The following CHD6 variants were observed in gnomAD, a reference collection of about 807,000 sequenced individuals.
The protein encoded by CHD6 is ATP-dependent chromatin remodeler CHD6.
In CHD6, 50 loss-of-function variants were observed where a neutral mutation model predicts 276.9. The ratio of observed to expected loss-of-function variants is 0.18; its 90% CI spans 0.14 to 0.23. CHD6 has a LOEUF of 0.23. Ranked by LOEUF, CHD6 falls within the 10% of genes least tolerant of loss-of-function variation. The pLI is 1.00. For missense variants in CHD6, 2,564 were observed against 3,365.8 expected, an observed-to-expected ratio of 0.76 and a Z score of 5.89; for synonymous variants, 1,173 against 1,229.3, an observed-to-expected ratio of 0.95 and a Z score of 0.96.
intron 1 of CHD6, among the ~76,000 whole-genome samples, chr20:41,555,247 C>T (rs1432621929): frequency 3.7e-5 from 5 of 135,130 alleles, no homozygotes; most frequent in South Asian, 2.5e-4. Flanking sequence ...GACCCCCCCA[C>T]CTCCCTCCTG....
chr20:41,547,786 C>T (rs1301533053), intron 2 of CHD6: 4 of 522,908 alleles, frequency 7.6e-6, no homozygotes, highest in African/African-American at 1.9e-5. Context: ...CAATCTTTAG[C>T]CAGAGAACTC....
chr20:41,406,690 G>A (rs1476645549), intron 36 of CHD6, among the ~76,000 whole-genome samples: 7 of 152,208 alleles, frequency 4.6e-5, no homozygotes, highest in Non-Finnish European at 8.8e-5. Flanking sequence ...GATGGGAAGC[G>A]ATTTCTTTCA....
intron 1 of CHD6, among the ~76,000 whole-genome samples, chr20:41,572,789 CCT>C (rs1373054005): frequency 1.3e-5 from 2 of 152,168 alleles, no homozygotes; most frequent in East Asian, 3.8e-4. Context: ...AAATCTGAAC[CCT>C]AACCCTGGGA....
At chr20:41,566,602 T>C (rs2045358091) in intron 1 of CHD6, among the ~76,000 whole-genome samples, 1 of 152,162 alleles carries the variant, frequency 6.6e-6, no homozygotes, top group African/African-American at 2.4e-5. Flanking sequence ...GTAGAGGATT[T>C]CCATTTCTTG....
intron 1 of CHD6, among the ~76,000 whole-genome samples, chr20:41,562,723 T>G (rs1056359961): frequency 6.6e-6 from 1 of 152,180 alleles, no homozygotes; most frequent in South Asian, 2.1e-4. Flanking sequence ...TCTGTAAGAT[T>G]AAAAGAGGGC....
At chr20:41,530,078 C>T (rs375193919) in intron 3 of CHD6, among the ~76,000 whole-genome samples, 1 of 152,164 alleles carries the variant, frequency 6.6e-6, no homozygotes, top group East Asian at 1.9e-4. Flanking sequence ...CCTCTGCTTC[C>T]GAGTGCCTGC....
intron 1 of CHD6, among the ~76,000 whole-genome samples, chr20:41,554,337 A>G (rs1180194668): frequency 6.6e-6 from 1 of 152,212 alleles, no homozygotes; most frequent in Non-Finnish European, 1.5e-5. Flanking sequence ...GGAATGTGGG[A>G]AAACAGGTCC....
intron 34 of CHD6, chr20:41,414,801 C>T: frequency 8.9e-7 from 1 of 1,124,524 alleles, no homozygotes; most frequent in African/African-American, 1.6e-5. Context: ...GTAGCCCTGA[C>T]TCCTGTTCTT....
At position 41,512,850 on chromosome 20, in the gene CHD6, G is replaced by T; in HGVS notation, c.848C>A (p.Ala283Glu). Residue 283 changes from alanine (A) to glutamate (E), a missense_variant, in exon 5 of 37, where the codon GCG becomes GAG. Ala to Glu is a moderately radical substitution (Grantham distance 107, BLOSUM62 -1). This residue lies in a region of CHD6 where 457 missense variants were observed against 889.0 expected (regional missense o/e 0.51). Transcript: ENST00000373233. ...ALSASTLAWQAEEPPEDDANI... is the reference protein window; with the variant it reads ...ALSASTLAWQEEEPPEDDANI... ...AACCTCATGCAAAGGCCATACCTCC[G>T]CCTGCCAGGCCAGTGTAGAGGCTGA... The T allele has an allele frequency of 6.2e-7, 1 of 1,613,930 alleles. No individual in the cohort carries two copies. Among genetic ancestry groups the T allele is most frequent in the Non-Finnish European group, 8.5e-7 (1 of 1,179,882 alleles).
intron 31 of CHD6, 57 bp downstream of exon 31, chr20:41,420,451 C>G (rs1352200094): frequency 1.3e-6 from 2 of 1,528,454 alleles, no homozygotes; most frequent in African/African-American, 1.4e-5. Flanking sequence ...AAAACCCAAC[C>G]CCCCGTCGTG....
At position 41,544,276 on chromosome 20, in the gene CHD6, T is replaced by A. The variant is rs141332032; in HGVS notation, c.33+7029A>T. 2.5e-3 allele frequency among the ~76,000 whole-genome samples: 387 copies of A among 152,256 alleles called. 1 individual carries two copies. The highest frequency in any genetic ancestry group is 9.0e-3 in the African/African-American group (373 of 41,544). On this transcript the variant is annotated intron_variant, in intron 2 of 36. Coordinates refer to ENST00000373233, the MANE Select transcript of CHD6 (RefSeq NM_032221.5). ...AAGTTAGGCAGAGGAAGACGATTCTTCACAGTCACATCAATACTCGTTATG... is the reference window on the plus strand; with the variant it reads ...AAGTTAGGCAGAGGAAGACGATTCTACACAGTCACATCAATACTCGTTATG...
Position 41,405,448 on chromosome 20 carries a change from C to T in CHD6, c.7293G>A (p.Glu2431=). 6.3e-7 allele frequency: 1 copy of T among 1,594,072 alleles called. No individual in the cohort carries two copies. The highest frequency in any genetic ancestry group is 1.3e-5 in the African/African-American group (1 of 74,320). The stretch of plus-strand genomic sequence containing the variant: ...GGGGGCCCGTATCTCGAAGAATAGG[C>T]TCAGCCAGAGTGTGATTGAACTTGT... ...PENKFNHTLA[E]PILRDTGPRR... The change falls in exon 37 of 37, where the codon GAG becomes GAA. Residue 2431 remains glutamate, a synonymous_variant. Coordinates refer to ENST00000373233, the MANE Select transcript of CHD6 (RefSeq NM_032221.5).
rs1007542392 is a variant in CHD6, at chr20:41,452,552, T to C, written c.3323+188A>G. Among the ~76,000 whole-genome samples the C allele has an allele frequency of 3.3e-5, 5 of 152,144 alleles. No individual in the cohort carries two copies. The South Asian group carries it at 1.0e-3, about 32-fold the overall frequency. ...AAATCATGGCATGTCTGCATTGTGG[T>C]TGCGGAGCATACGGTGACTGAGACG... On this transcript the variant is annotated intron_variant, in intron 21 of 36. Transcript: ENST00000373233. This position sits in a 1 kb window ranked among gnomAD's most constrained non-coding sequence, Gnocchi z 4.2.
chr20:41,491,368 G>GT (rs967613903), intron 11 of CHD6, among the ~76,000 whole-genome samples: 13 of 143,504 alleles, frequency 9.1e-5, no homozygotes, highest in Admixed American at 1.4e-4. Context: ...TTTGTTTTTT[G>GT]TTTTTTTGGT....
intron 1 of CHD6, among the ~76,000 whole-genome samples, chr20:41,606,343 C>A (rs2045828119): frequency 6.6e-6 from 1 of 152,172 alleles, no homozygotes; most frequent in Admixed American, 6.5e-5. Flanking sequence ...AACCCCGTCT[C>A]TACTAAAAAA....
chr20:41,404,314 C>T lies in CHD6; in HGVS notation c.*279G>A, dbSNP rs878872154. 1.7e-5 allele frequency: 19 copies of T among 1,139,198 alleles called. No homozygotes were observed. The highest frequency in any genetic ancestry group is 4.4e-5 in the South Asian group (1 of 22,976). 70.6% of individuals were successfully genotyped at this position (1,139,198 alleles called of 1,614,324 possible). The stretch of plus-strand genomic sequence containing the variant: ...AAACTTGGAAGAGAAGGGGGTAGGG[C>T]GTGTCACCAAGTACTGTATTAACTA... On this transcript the variant is annotated 3_prime_UTR_variant, in exon 37 of 37. Transcript: ENST00000373233.
At chr20:41,466,054 T>C (rs2042912155) in intron 17 of CHD6, among the ~76,000 whole-genome samples, 1 of 151,910 alleles carries the variant, frequency 6.6e-6, no homozygotes, top group Non-Finnish European at 1.5e-5. Flanking sequence ...AATACAAAAT[T>C]AGCTGGGCGT....
intron 1 of CHD6, among the ~76,000 whole-genome samples, chr20:41,559,750 T>C (rs2045281519): frequency 6.6e-6 from 1 of 152,088 alleles, no homozygotes; most frequent in Non-Finnish European, 1.5e-5. Flanking sequence ...ATCCAAGCCC[T>C]CCTCTTGACC....
chr20:41,419,358 T>C (rs768667502), intron 31 of CHD6, among the ~76,000 whole-genome samples: 2 of 151,696 alleles, frequency 1.3e-5, no homozygotes, highest in African/African-American at 2.4e-5. Context: ...GGCAAGTGGA[T>C]TGCTTGAAGC....
Sources: allele counts gnomAD v4.1 joint callset (sites outside exome capture counted in the v4.1 genomes callset), GRCh38; gene constraint gnomAD v4.1.1; regional missense constraint gnomAD v4.1.1; non-coding constraint Gnocchi (gnomAD v3.1); transcripts MANE v1.5; gene names NCBI Gene and HGNC (gene_info 2026-07-23, HGNC 2026-07-21).